PNPLA3: variants seen among roughly 807,000 people sequenced by gnomAD.
PNPLA3 encodes the protein 1-acylglycerol-3-phosphate O-acyltransferase PNPLA3.
Under a neutral mutation model 43.1 loss-of-function variants are expected in PNPLA3, and 42 were observed. That is an observed-to-expected ratio of 0.97 (90% CI 0.76 to 1.26). The LOEUF (loss-of-function observed/expected upper bound fraction) is 1.26, where lower values mean the gene tolerates loss of function less well. Ranked by LOEUF, PNPLA3 falls within the 50% of genes most tolerant of loss-of-function variation. The pLI is 0.00. For synonymous variants in PNPLA3, 272 were observed against 253.6 expected, an observed-to-expected ratio of 1.07 and a Z score of -0.69; for missense variants, 647 against 621.4, an observed-to-expected ratio of 1.04 and a Z score of -0.44.
At chr22:43,930,005 G>A (rs1317223422) in intron 3 of PNPLA3, among the ~76,000 whole-genome samples, 1 of 152,160 alleles carries the variant, frequency 6.6e-6, no homozygotes, top group Non-Finnish European at 1.5e-5. Flanking sequence ...GGAAGTTTAG[G>A]CTGTAAAATA....
chr22:43,944,776 T>G lies in PNPLA3; in HGVS notation c.1198T>G (p.Cys400Gly). ...ACAGGTGTTCACTCGAGTGCTGATG[T>G]GTCTGCTCCCCGCCTCCAGGTAAAT... is the stretch of plus-strand genomic sequence containing the variant. ...TSQVFTRVLM[C>G]LLPASRSQMP... Residue 400 changes from cysteine to glycine, a missense_variant, in exon 8 of 9, where the codon TGT becomes GGT. Transcript: ENST00000216180. 1 of 1,614,202 alleles carries G rather than the reference T, an allele frequency of 6.2e-7. No individual in the cohort carries two copies. Among genetic ancestry groups the G allele is most frequent in the Non-Finnish European group, 8.5e-7 (1 of 1,180,024 alleles).
chr22:43,945,917 C>T (rs2050059995), intron 8 of PNPLA3, among the ~76,000 whole-genome samples: 1 of 152,138 alleles, frequency 6.6e-6, no homozygotes, highest in African/African-American at 2.4e-5. Context: ...GTGGACAACA[C>T]CTGTGATGTC....
chr22:43,944,855 C>T, intron 8 of PNPLA3, 60 bp downstream of exon 8: 1 of 1,362,940 alleles, frequency 7.3e-7, no homozygotes, highest in Non-Finnish European at 1.0e-6. Flanking sequence ...CTGATGAGGC[C>T]TCACACGACA....
intron 6 of PNPLA3, among the ~76,000 whole-genome samples, chr22:43,937,854 G>A (rs894529912): frequency 6.6e-6 from 1 of 152,132 alleles, no homozygotes; most frequent in South Asian, 2.1e-4. Flanking sequence ...ACAGTGCTAT[G>A]GTCCAAATGA....
chr22:43,934,795 A>C (rs969851715), intron 5 of PNPLA3, 129 bp downstream of exon 5: 1 of 829,436 alleles, frequency 1.2e-6, no homozygotes, highest in African/African-American at 1.7e-5. Context: ...TGCTCAACCT[A>C]CTCATGAGCC....
chr22:43,935,920 C>A (rs2049992730), intron 5 of PNPLA3, among the ~76,000 whole-genome samples: 2 of 152,010 alleles, frequency 1.3e-5, no homozygotes, highest in African/African-American at 4.8e-5. Context: ...GTCTAGGAGG[C>A]CAGTGAGGCA....
At chr22:43,926,631 A>G (rs549674128) in intron 1 of PNPLA3, among the ~76,000 whole-genome samples, 1 of 152,358 alleles carries the variant, frequency 6.6e-6, no homozygotes, top group African/African-American at 2.4e-5. Context: ...TAAAAGACAC[A>G]GGTAGAATTA....
At position 43,937,037 on chromosome 22, in the gene PNPLA3, C is replaced by T. The variant is rs761616434; in HGVS notation, c.758-14C>T. On this transcript the variant is annotated splice_polypyrimidine_tract_variant and intron_variant, in intron 5 of 8. Coordinates refer to ENST00000216180, the MANE Select transcript of PNPLA3 (RefSeq NM_025225.3). The stretch of plus-strand genomic sequence containing the variant: ...ACGTTCGCCTGATGGGCTTGTTTTC[C>T]GTGCCCTTCACAGGCATCTGCAACA... 2.0e-5 allele frequency: 32 copies of T among 1,607,184 alleles called. No homozygotes were observed. The highest frequency in any genetic ancestry group is 8.3e-5 in the Admixed American group (5 of 59,926).
At chr22:43,926,442 T>C (rs1043106975) in intron 1 of PNPLA3, among the ~76,000 whole-genome samples, 5 of 152,210 alleles carry the variant, frequency 3.3e-5, no homozygotes, top group Non-Finnish European at 7.4e-5. Context: ...AATGCTGATA[T>C]GTTCCTGGCC....
At chr22:43,929,506 G>C (rs1306499266) in intron 3 of PNPLA3, among the ~76,000 whole-genome samples, 2 of 149,390 alleles carry the variant, frequency 1.3e-5, no homozygotes, top group Non-Finnish European at 3.0e-5. Flanking sequence ...GGTAAATAAA[G>C]TATATGACAC....
intron 6 of PNPLA3, 25 bp from the exon 7 acceptor site, chr22:43,939,968 A>C: frequency 6.2e-7 from 1 of 1,614,190 alleles, no homozygotes; most frequent in East Asian, 2.2e-5. Flanking sequence ...GGTGGGAGAT[A>C]ATAGCTCCAA....
intron 7 of PNPLA3, among the ~76,000 whole-genome samples, chr22:43,942,234 A>G (rs1333864458): frequency 1.3e-5 from 2 of 152,078 alleles, no homozygotes; most frequent in Admixed American, 1.3e-4. Context: ...ACATCCTGCC[A>G]TCTTCCCTCC....
intron 3 of PNPLA3, among the ~76,000 whole-genome samples, chr22:43,929,643 C>A (rs1200839785): frequency 1.4e-5 from 2 of 142,248 alleles, no homozygotes; most frequent in African/African-American, 2.6e-5. Context: ...GTCGCCCAGG[C>A]TGGAGTGCAG....
intron 1 of PNPLA3, among the ~76,000 whole-genome samples, chr22:43,926,673 A>G (rs1292950751): frequency 6.6e-6 from 1 of 151,354 alleles, no homozygotes; most frequent in Non-Finnish European, 1.5e-5. Flanking sequence ...CCAAAATAAT[A>G]TCATTTTCAC....
chr22:43,935,180 G>C (rs2076208), intron 5 of PNPLA3, among the ~76,000 whole-genome samples: 123,710 of 152,054 alleles, frequency 0.81, 50,649 homozygotes, highest in African/African-American at 0.89. Flanking sequence ...GAGTTCTGCT[G>C]TAGAAATATT....
intron 6 of PNPLA3, among the ~76,000 whole-genome samples, chr22:43,938,533 A>T (rs1282586463): frequency 6.6e-6 from 1 of 152,214 alleles, no homozygotes; most frequent in African/African-American, 2.4e-5. Context: ...TGACTGGAGC[A>T]GGAGTGAGAG....
intron 7 of PNPLA3, among the ~76,000 whole-genome samples, chr22:43,941,721 G>A (rs563965157): frequency 6.6e-6 from 1 of 152,246 alleles, no homozygotes; most frequent in Admixed American, 6.5e-5. Context: ...AGCCTCAGCG[G>A]TTTCATCCGC....
intron 3 of PNPLA3, among the ~76,000 whole-genome samples, chr22:43,931,187 T>C (rs77236970): frequency 0.012 from 1,827 of 152,198 alleles, 19 homozygotes; most frequent in East Asian, 0.02. Context: ...ATCTGATGTA[T>C]AGAGGCCCGA....
intron 7 of PNPLA3, 56 bp from the exon 8 acceptor site, chr22:43,944,635 G>A (rs2050051426): frequency 2.5e-5 from 36 of 1,416,806 alleles, no homozygotes; most frequent in Non-Finnish European, 3.5e-5. Flanking sequence ...GGGTAGTGTT[G>A]TAAGCTGTTG....
Sources: allele counts gnomAD v4.1 joint callset (sites outside exome capture counted in the v4.1 genomes callset), GRCh38; gene constraint gnomAD v4.1.1; transcripts MANE v1.5; gene names NCBI Gene and HGNC (gene_info 2026-07-23, HGNC 2026-07-21).